UNC5D: variants seen among roughly 807,000 people sequenced by gnomAD.
The protein encoded by UNC5D is netrin receptor UNC5D.
Under a neutral mutation model 105.4 loss-of-function variants are expected in UNC5D, and 39 were observed. That is an observed-to-expected ratio of 0.37 (90% confidence interval 0.29 to 0.48). The LOEUF (loss-of-function observed/expected upper bound fraction) is 0.48, where lower values mean the gene tolerates loss of function less well. Ranked by LOEUF, UNC5D falls within the 20% of genes least tolerant of loss-of-function variation. The probability of loss-of-function intolerance (pLI) is 0.98; values close to 1 mark genes in which losing one functional copy is unlikely to be tolerated. For synonymous variants in UNC5D, 452 were observed against 450.4 expected (o/e 1.00, Z -0.04); for missense variants, 991 against 1,202.4 (o/e 0.82, Z 2.60).
At chr8:35,525,730 C>G in intron 1 of UNC5D, 7 of 1,584,352 alleles carry the variant, frequency 4.4e-6, no homozygotes, top group Non-Finnish European at 6.0e-6. Flanking sequence ...ACCTGGCTCC[C>G]AACGCTGAAG....
At chr8:35,279,097 C>T (rs1338556504) in intron 1 of UNC5D, among the ~76,000 whole-genome samples, 1 of 152,084 alleles carries the variant, frequency 6.6e-6, no homozygotes, top group East Asian at 1.9e-4. Flanking sequence ...GAGGCTCTGT[C>T]GAACTCCAGC....
intron 4 of UNC5D, among the ~76,000 whole-genome samples, chr8:35,630,995 T>G (rs1822004404): frequency 6.6e-6 from 1 of 152,230 alleles, no homozygotes; most frequent in African/African-American, 2.4e-5. Flanking sequence ...CACAGAATGT[T>G]TGAGCTGAAA....
At chr8:35,720,356 T>C (rs937956951) in intron 8 of UNC5D, among the ~76,000 whole-genome samples, 2 of 152,218 alleles carry the variant, frequency 1.3e-5, no homozygotes, top group African/African-American at 4.8e-5. Context: ...ATGTGCTCAT[T>C]TGCTGAGCAG....
intron 4 of UNC5D, among the ~76,000 whole-genome samples, chr8:35,637,114 G>A (rs890669383): frequency 6.6e-6 from 1 of 152,116 alleles, no homozygotes; most frequent in African/African-American, 2.4e-5. Flanking sequence ...CCAAGTAGAG[G>A]TGCAATCACC....
intron 11 of UNC5D, among the ~76,000 whole-genome samples, chr8:35,741,490 T>G (rs11987769): frequency 0.064 from 9,725 of 152,212 alleles, 865 homozygotes; most frequent in African/African-American, 0.2. Context: ...CTCCTTTTCC[T>G]GCCCCTATGA....
intron 1 of UNC5D, among the ~76,000 whole-genome samples, chr8:35,403,575 C>A (rs1804611531): frequency 6.6e-6 from 1 of 152,278 alleles, no homozygotes; most frequent in African/African-American, 2.4e-5. Flanking sequence ...AAACACATAA[C>A]AATTGAGCAT....
chr8:35,426,761 A>G (rs1371537525), intron 1 of UNC5D, among the ~76,000 whole-genome samples: 1 of 152,192 alleles, frequency 6.6e-6, no homozygotes, highest in Non-Finnish European at 1.5e-5. Context: ...AGGGAGATTT[A>G]GGCTGAATGT....
chr8:35,583,248 G>C (rs1818570086), intron 3 of UNC5D, among the ~76,000 whole-genome samples: 1 of 152,154 alleles, frequency 6.6e-6, no homozygotes, highest in African/African-American at 2.4e-5. Context: ...AGCTTCTTGG[G>C]AGGCCGAGGC....
At chr8:35,640,453 T>G (rs1822642072) in intron 4 of UNC5D, among the ~76,000 whole-genome samples, 2 of 152,184 alleles carry the variant, frequency 1.3e-5, no homozygotes, top group Admixed American at 1.3e-4. Context: ...ACTTTTTGCT[T>G]TCTTGATATG....
At chr8:35,608,595 T>C (rs532779749) in intron 4 of UNC5D, among the ~76,000 whole-genome samples, 12 of 152,244 alleles carry the variant, frequency 7.9e-5, no homozygotes, top group East Asian at 1.9e-4. Context: ...ACACTCTATG[T>C]CCCCCTCACC....
chr8:35,563,261 G>A (rs949622839), intron 2 of UNC5D, among the ~76,000 whole-genome samples: 2 of 148,746 alleles, frequency 1.3e-5, no homozygotes, highest in African/African-American at 5.0e-5. Context: ...TTACTTTTGT[G>A]TATGTCCTCT....
chr8:35,377,515 C>T (rs945995647), intron 1 of UNC5D, among the ~76,000 whole-genome samples: 6 of 152,140 alleles, frequency 3.9e-5, no homozygotes, highest in African/African-American at 7.2e-5. Context: ...GAAAGCTCCC[C>T]GTGCCACATT....
intron 1 of UNC5D, among the ~76,000 whole-genome samples, chr8:35,480,200 A>G (rs541116569): frequency 6.6e-6 from 1 of 152,334 alleles, no homozygotes; most frequent in African/African-American, 2.4e-5. Context: ...ATTTACTCTT[A>G]ACAGTATATG....
intron 9 of UNC5D, chr8:35,724,107 A>T: frequency 1.4e-6 from 2 of 1,387,496 alleles, no homozygotes; most frequent in Non-Finnish European, 1.9e-6. Flanking sequence ...GCAGCAGGTG[A>T]GAAGGGTGGA....
intron 1 of UNC5D, among the ~76,000 whole-genome samples, chr8:35,380,001 C>G (rs1016969534): frequency 1.3e-4 from 19 of 146,116 alleles, no homozygotes; most frequent in Admixed American, 2.9e-4. Flanking sequence ...GGCTGGGACA[C>G]CCATGATAAA....
rs1293935419 is a variant in UNC5D at position 35,553,173 on chromosome 8, C to T, written c.322+3663C>T. ...TCTTATATCCCTTCTCATATAAAGACCTCTTGAAGTATTGCAAGCCAATTC... is the reference window on the plus strand; with the variant it reads ...TCTTATATCCCTTCTCATATAAAGATCTCTTGAAGTATTGCAAGCCAATTC... On this transcript the variant is annotated intron_variant, in intron 2 of 16. Transcript: ENST00000404895. Among the ~76,000 whole-genome samples, 3 of 152,158 alleles carry T rather than the reference C, an allele frequency of 2.0e-5. No homozygotes were observed. In the South Asian group the frequency reaches 6.2e-4, roughly 32 times the overall value.
chr8:35,267,912 G>A (rs1402966189), intron 1 of UNC5D, among the ~76,000 whole-genome samples: 1 of 151,876 alleles, frequency 6.6e-6, no homozygotes, highest in South Asian at 2.1e-4. Context: ...TTTCTAACTT[G>A]CAAAGATTTT....
chr8:35,759,288 A>C, intron 13 of UNC5D, 32 bp from the exon 14 acceptor site: 1 of 1,609,170 alleles, frequency 6.2e-7, no homozygotes, highest in South Asian at 1.1e-5. Context: ...ATATTTCATT[A>C]TTGATCTTAT....
At chr8:35,449,400 G>A (rs1808001724) in intron 1 of UNC5D, among the ~76,000 whole-genome samples, 1 of 152,076 alleles carries the variant, frequency 6.6e-6, no homozygotes, top group Non-Finnish European at 1.5e-5. Flanking sequence ...GAAGATGTCA[G>A]CTCATTCAGG....
Sources: allele counts gnomAD v4.1 joint callset (sites outside exome capture counted in the v4.1 genomes callset), GRCh38; gene constraint gnomAD v4.1.1; transcripts MANE v1.5; gene names NCBI Gene and HGNC (gene_info 2026-07-23, HGNC 2026-07-21).